The following KCNC2 variants were observed in gnomAD, a reference collection of about 807,000 sequenced individuals.
The protein encoded by KCNC2 is voltage-gated potassium channel KCNC2.
Under a neutral mutation model 44.5 loss-of-function variants are expected in KCNC2, and 21 were observed. That is an observed-to-expected ratio of 0.47 (90% CI 0.33 to 0.68). The LOEUF is 0.68. KCNC2 is among the 30% of genes least tolerant of loss of function. KCNC2 has a pLI of 0.01. For synonymous variants in KCNC2, 391 were observed against 339.1 expected (o/e 1.15, Z -1.68); for missense variants, 589 against 826.2 (o/e 0.71, Z 3.52).
At chr12:75,201,940 T>C (rs2031314067) in intron 2 of KCNC2, among the ~76,000 whole-genome samples, 1 of 151,912 alleles carries the variant, frequency 6.6e-6, no homozygotes, top group Non-Finnish European at 1.5e-5. Context: ...TAGACACATT[T>C]CTAAAGGTTC....
chr12:75,159,749 T>C (rs1364336739), intron 2 of KCNC2, among the ~76,000 whole-genome samples: 1 of 151,876 alleles, frequency 6.6e-6, no homozygotes, highest in Non-Finnish European at 1.5e-5. Context: ...TTCAAGGAGT[T>C]TTTTGTAACT....
chr12:75,191,753 G>T (rs1216094426), intron 2 of KCNC2, among the ~76,000 whole-genome samples: 3 of 151,024 alleles, frequency 2.0e-5, no homozygotes, highest in South Asian at 2.1e-4. Flanking sequence ...GTTTCACCTT[G>T]TTAGCCAGGA....
intron 2 of KCNC2, among the ~76,000 whole-genome samples, chr12:75,204,736 G>A (rs972831558): frequency 1.3e-5 from 2 of 152,010 alleles, no homozygotes; most frequent in African/African-American, 4.8e-5. Context: ...GTCAGATAAC[G>A]TTGTCAGGTT....
At chr12:75,139,122 C>T (rs1436543249) in intron 2 of KCNC2, among the ~76,000 whole-genome samples, 3 of 151,900 alleles carry the variant, frequency 2.0e-5, no homozygotes, top group Non-Finnish European at 2.9e-5. Flanking sequence ...GTCCTAGAGA[C>T]CTCAGGGACC....
chr12:75,207,411 G>GC lies in KCNC2; in HGVS notation c.572dup (p.Ile192HisfsTer61), dbSNP rs762227928. On this transcript the variant is annotated frameshift_variant, in exon 2 of 5. Coordinates refer to ENST00000549446, the MANE Select transcript of KCNC2 (RefSeq NM_139137.4). LOFTEE classifies it high-confidence loss of function. The surrounding 1 kb of genome is among the most constrained non-coding windows in gnomAD (Gnocchi z 4.1). ...CCCCGAGCCCCGCCGCGTCCTCGAT[G>GC]CCCAGCCTCTTGGCCGCCAGGTCCT... 1 of 1,601,160 alleles carries GC rather than the reference G, an allele frequency of 6.2e-7. No homozygotes were observed. The highest frequency in any genetic ancestry group is 1.7e-5 in the Admixed American group (1 of 58,354).
intron 2 of KCNC2, among the ~76,000 whole-genome samples, chr12:75,181,655 A>G (rs1892583728): frequency 6.6e-6 from 1 of 152,284 alleles, no homozygotes; most frequent in South Asian, 2.1e-4. Flanking sequence ...AAAATTGCCG[A>G]TTTGGCAACC....
intron 2 of KCNC2, among the ~76,000 whole-genome samples, chr12:75,107,287 G>A (rs1396027439): frequency 6.6e-6 from 1 of 151,830 alleles, no homozygotes; most frequent in African/African-American, 2.4e-5. Flanking sequence ...CTGGGTGACA[G>A]AGGGAGACTC....
At chr12:75,191,523 TATTA>T (rs1164933935) in intron 2 of KCNC2, among the ~76,000 whole-genome samples, 1,426 of 54,762 alleles carry the variant, frequency 0.026, 31 homozygotes, top group African/African-American at 0.063. Context: ...TTATTATTAT[TATTA>T]TTTTTTTTTT....
intron 2 of KCNC2, among the ~76,000 whole-genome samples, chr12:75,120,317 T>C (rs747675440): frequency 2.0e-5 from 3 of 152,336 alleles, no homozygotes; most frequent in Non-Finnish European, 2.9e-5. Context: ...CATCTTGGCA[T>C]TGAGGCTTGG....
chr12:75,170,583 C>G (rs1348074371), intron 2 of KCNC2, among the ~76,000 whole-genome samples: 1 of 151,594 alleles, frequency 6.6e-6, no homozygotes, highest in Non-Finnish European at 1.5e-5. Flanking sequence ...TAATTACAGT[C>G]CATATGTTAG....
rs201342917 is a variant in KCNC2, at chr12:75,040,316, T to A, written c.*2789A>T. 12 of 152,012 alleles carry A rather than the reference T, an allele frequency of 7.9e-5. No homozygotes were observed. The highest frequency in any genetic ancestry group is 1.6e-4 in the Non-Finnish European group (11 of 67,946). 9.4% of individuals were successfully genotyped at this position (152,012 alleles called of 1,614,324 possible). ...GATTAAGCAAGATGTAAAAATCTTA[T>A]ACAGTTTCATCTACAACAGTTTTAA... On this transcript the variant is annotated 3_prime_UTR_variant, in exon 5 of 5. Transcript: ENST00000549446.
In KCNC2 at chr12:75,193,410, C is replaced by T. The variant is rs553825846; in HGVS notation, c.687+13887G>A. Among the ~76,000 whole-genome samples, 502 of 152,214 alleles carry T rather than the reference C, an allele frequency of 3.3e-3. 3 individuals carry two copies. The highest frequency in any genetic ancestry group is 6.0e-3 in the Non-Finnish European group (405 of 68,014). On this transcript the variant is annotated intron_variant, in intron 2 of 4. Coordinates refer to ENST00000549446, the MANE Select transcript of KCNC2 (RefSeq NM_139137.4). ...AGGAAATCCGGAGGAGCCTCAAATT[C>T]AGAGGCAACATGTACTAGGAGAGGG...
intron 2 of KCNC2, among the ~76,000 whole-genome samples, chr12:75,109,694 A>G (rs1478693068): frequency 3.9e-5 from 6 of 152,074 alleles, no homozygotes; most frequent in South Asian, 2.1e-4. Flanking sequence ...CTTGTCTAGC[A>G]TATACAGGAC....
chr12:75,201,968 C>T (rs189063636), intron 2 of KCNC2, among the ~76,000 whole-genome samples: 1 of 151,826 alleles, frequency 6.6e-6, no homozygotes, highest in Non-Finnish European at 1.5e-5. Flanking sequence ...AAAAAGAATA[C>T]ATGGCTCAGA....
chr12:75,147,628 G>A (rs902656985), intron 2 of KCNC2, among the ~76,000 whole-genome samples: 2 of 152,244 alleles, frequency 1.3e-5, no homozygotes, highest in Middle Eastern at 6.8e-3. Flanking sequence ...AAATAGGATA[G>A]GGAAAAAGTG....
intron 2 of KCNC2, among the ~76,000 whole-genome samples, chr12:75,202,156 A>G (rs1325093110): frequency 6.6e-6 from 1 of 151,858 alleles, no homozygotes; most frequent in Non-Finnish European, 1.5e-5. Context: ...CTTGTCTTTT[A>G]TTTAATTTTG....
At chr12:75,069,150 T>TTTTTTTTC (rs1487280747) in intron 2 of KCNC2, among the ~76,000 whole-genome samples, 4 of 142,620 alleles carry the variant, frequency 2.8e-5, no homozygotes, top group African/African-American at 1.0e-4. Flanking sequence ...TTTTTTTTTT[T>TTTTTTTTC]TGAGACGGAA....
At chr12:75,070,957 C>T (rs1215528832) in intron 2 of KCNC2, among the ~76,000 whole-genome samples, 5 of 152,106 alleles carry the variant, frequency 3.3e-5, no homozygotes, top group Non-Finnish European at 7.3e-5. Context: ...ATATTTTTCA[C>T]ATTAAATCTT....
chr12:75,133,517 A>G (rs966109021), intron 2 of KCNC2, among the ~76,000 whole-genome samples: 1 of 151,964 alleles, frequency 6.6e-6, no homozygotes, highest in Non-Finnish European at 1.5e-5. Context: ...ATGGGTTAAG[A>G]ATTTAGGAAA....
Sources: allele counts gnomAD v4.1 joint callset (sites outside exome capture counted in the v4.1 genomes callset), GRCh38; gene constraint gnomAD v4.1.1; non-coding constraint Gnocchi (gnomAD v3.1); transcripts MANE v1.5; gene names NCBI Gene and HGNC (gene_info 2026-07-23, HGNC 2026-07-21).